The following BMPR1B variants were observed in gnomAD, a reference collection of about 807,000 sequenced individuals.
BMPR1B encodes the protein bone morphogenetic protein receptor type 1B, also known as bone morphogenetic protein receptor type-1B.
Under a neutral mutation model 59.1 loss-of-function variants are expected in BMPR1B, and 12 were observed. The ratio of observed to expected loss-of-function variants is 0.20; its 90% confidence interval spans 0.13 to 0.33. The LOEUF (loss-of-function observed/expected upper bound fraction) is 0.33. Ranked by LOEUF, BMPR1B falls within the 10% of genes least tolerant of loss-of-function variation. BMPR1B has a pLI of 1.00. For missense variants in BMPR1B, 550 were observed against 610.9 expected (o/e 0.90, Z 1.05); for synonymous variants, 237 against 207.3 (o/e 1.14, Z -1.23).
intron 2 of BMPR1B, among the ~76,000 whole-genome samples, chr4:94,902,700 G>A (rs1727879532): frequency 6.6e-6 from 1 of 151,854 alleles, no homozygotes. Flanking sequence ...CATATGTTGG[G>A]AATTTCATAT....
At chr4:95,008,371 T>C (rs1299022405) in intron 3 of BMPR1B, among the ~76,000 whole-genome samples, 1 of 152,182 alleles carries the variant, frequency 6.6e-6, no homozygotes, top group African/African-American at 2.4e-5. Flanking sequence ...AGTTTTATGC[T>C]TCCATCCATG....
chr4:94,954,068 G>A (rs899893889), intron 2 of BMPR1B, among the ~76,000 whole-genome samples: 2 of 151,704 alleles, frequency 1.3e-5, no homozygotes, highest in African/African-American at 2.4e-5. Flanking sequence ...ATTGATACTT[G>A]TGTATGCTTC....
intron 8 of BMPR1B, among the ~76,000 whole-genome samples, chr4:95,125,634 A>T (rs1020299081): frequency 6.6e-6 from 1 of 152,158 alleles, no homozygotes; most frequent in Non-Finnish European, 1.5e-5. Context: ...TTGAAAATCA[A>T]TAGTATTACA....
intron 1 of BMPR1B, among the ~76,000 whole-genome samples, chr4:94,820,727 T>TA (rs1724176644): frequency 6.6e-6 from 1 of 152,180 alleles, no homozygotes; most frequent in Non-Finnish European, 1.5e-5. Flanking sequence ...TTTCAGTTCT[T>TA]ACAGGTGTTC....
At chr4:94,795,999 C>G (rs1465035608) in intron 1 of BMPR1B, among the ~76,000 whole-genome samples, 2 of 151,082 alleles carry the variant, frequency 1.3e-5, no homozygotes, top group Non-Finnish European at 2.9e-5. Context: ...GAGTCTCCGT[C>G]TGTCTCCCAG....
At chr4:94,919,533 CT>C (rs1728613656) in intron 2 of BMPR1B, among the ~76,000 whole-genome samples, 1 of 151,540 alleles carries the variant, frequency 6.6e-6, no homozygotes, top group Admixed American at 6.6e-5. Context: ...TTACTACCCC[CT>C]TTATCCACCC....
chr4:94,952,820 T>C (rs1729999300), intron 2 of BMPR1B, among the ~76,000 whole-genome samples: 1 of 152,132 alleles, frequency 6.6e-6, no homozygotes, highest in Admixed American at 6.6e-5. Flanking sequence ...TCCTTGTTAA[T>C]TTTCTGTCTC....
chr4:95,047,514 T>C (rs1183223120), intron 3 of BMPR1B, among the ~76,000 whole-genome samples: 1 of 144,690 alleles, frequency 6.9e-6, no homozygotes, highest in Non-Finnish European at 1.6e-5. Flanking sequence ...GGGTACCTGC[T>C]ATCAGCATGG....
At chr4:94,835,092 T>C (rs1443976901) in intron 1 of BMPR1B, among the ~76,000 whole-genome samples, 5 of 152,048 alleles carry the variant, frequency 3.3e-5, no homozygotes. Context: ...GAGTTATCTT[T>C]GGTTGTATAG....
chr4:95,082,238 C>T (rs906094178), intron 3 of BMPR1B, among the ~76,000 whole-genome samples: 6 of 146,476 alleles, frequency 4.1e-5, no homozygotes, highest in African/African-American at 1.0e-4. Context: ...TAGTAAATAT[C>T]GAAAACTGTA....
At chr4:95,112,547 T>G (rs1731703197) in intron 4 of BMPR1B, among the ~76,000 whole-genome samples, 1 of 152,158 alleles carries the variant, frequency 6.6e-6, no homozygotes, top group Non-Finnish European at 1.5e-5. Flanking sequence ...GAGGAGCATA[T>G]AAATTAATTT....
chr4:95,079,940 T>C (rs779641286), intron 3 of BMPR1B, among the ~76,000 whole-genome samples: 4 of 152,160 alleles, frequency 2.6e-5, no homozygotes, highest in Non-Finnish European at 5.9e-5. Context: ...ACTCTCATAT[T>C]AATGATTCAT....
At chr4:95,015,276 G>A (rs984180276) in intron 3 of BMPR1B, among the ~76,000 whole-genome samples, 3 of 152,098 alleles carry the variant, frequency 2.0e-5, no homozygotes, top group African/African-American at 7.2e-5. Flanking sequence ...ATTTTCAATC[G>A]TGTGAAATCT....
chr4:95,154,454 T>C (rs1735268608), intron 12 of BMPR1B, 94 bp from the exon 13 acceptor site: 3 of 1,554,954 alleles, frequency 1.9e-6, no homozygotes, highest in South Asian at 1.1e-5. Flanking sequence ...TTTAAAAATA[T>C]ATTCAAACTT....
chr4:94,818,602 G>A (rs1267407592), intron 1 of BMPR1B, among the ~76,000 whole-genome samples: 1 of 152,186 alleles, frequency 6.6e-6, no homozygotes, highest in Non-Finnish European at 1.5e-5. Flanking sequence ...ACACAGTCTG[G>A]TAGAAATTCT....
At chr4:95,008,837 G>C (rs1485691902) in intron 3 of BMPR1B, among the ~76,000 whole-genome samples, 2 of 152,022 alleles carry the variant, frequency 1.3e-5, no homozygotes, top group African/African-American at 4.8e-5. Flanking sequence ...AATCCAAATA[G>C]TCAATAAACA....
chr4:94,901,328 C>A (rs2149000186), intron 2 of BMPR1B, among the ~76,000 whole-genome samples: 1 of 152,002 alleles, frequency 6.6e-6, no homozygotes, highest in East Asian at 1.9e-4. Flanking sequence ...TTAAATGGTG[C>A]AACATGATGT....
intron 1 of BMPR1B, among the ~76,000 whole-genome samples, chr4:94,815,977 C>T (rs1262678284): frequency 6.6e-6 from 1 of 152,076 alleles, no homozygotes; most frequent in Non-Finnish European, 1.5e-5. Flanking sequence ...ATATGTTTTT[C>T]ATAGACTGTA....
intron 1 of BMPR1B, among the ~76,000 whole-genome samples, chr4:94,847,923 T>C (rs146016799): frequency 6.6e-6 from 1 of 152,272 alleles, no homozygotes; most frequent in African/African-American, 2.4e-5. Context: ...AAGAGTATAA[T>C]TGGATTTTTT....
Sources: allele counts gnomAD v4.1 joint callset (sites outside exome capture counted in the v4.1 genomes callset), GRCh38; gene constraint gnomAD v4.1.1; transcripts MANE v1.5; gene names NCBI Gene and HGNC (gene_info 2026-07-23, HGNC 2026-07-21).